The following MOBP variants were observed in gnomAD, a reference collection of about 807,000 sequenced individuals.
MOBP encodes myelin-associated oligodendrocyte basic protein.
In MOBP, 5 loss-of-function variants were observed where a neutral mutation model predicts 15.0. The observed-to-expected ratio is 0.33, with a 90% CI of 0.17 to 0.70. The LOEUF (loss-of-function observed/expected upper bound fraction) is 0.70, where lower values mean the gene tolerates loss of function less well. Among genes scored for constraint, MOBP ranks in the 30% least tolerant of loss-of-function variants. The probability of loss-of-function intolerance (pLI) is 0.67; values close to 1 mark genes in which losing one functional copy is unlikely to be tolerated. For missense variants in MOBP, 188 were observed against 257.8 expected (o/e 0.73, Z 1.85); for synonymous variants, 88 against 99.0 (o/e 0.89, Z 0.66).
intron 2 of MOBP, among the ~76,000 whole-genome samples, chr3:39,495,110 C>T (rs1019565635): frequency 6.6e-6 from 1 of 152,188 alleles, no homozygotes; most frequent in African/African-American, 2.4e-5. Flanking sequence ...TTTTTATCCT[C>T]ACTAGACAAT....
rs372337198 is a variant in MOBP at position 39,502,122 on chromosome 3, A to G, written c.53A>G (p.Tyr18Cys). 1 of 1,613,990 alleles carries G rather than the reference A, an allele frequency of 6.2e-7. No individual in the cohort carries two copies. Among genetic ancestry groups the G allele is most frequent in the Non-Finnish European group, 8.5e-7 (1 of 1,180,030 alleles). ...CCCAGACTCTCCAAAAACCAGAAGT[A>G]CTCCGAACACTTCAGCATACACTGC... is the stretch of plus-strand genomic sequence containing the variant. Reference protein sequence around the residue: ...EGPRLSKNQKYSEHFSIHCCP... With the variant: ...EGPRLSKNQKCSEHFSIHCCP... Residue 18 changes from tyrosine to cysteine, a missense_variant, in exon 3 of 4, where the codon TAC (tyrosine) becomes TGC (cysteine). Tyr to Cys is a radical substitution (Grantham distance 194). This residue lies in a region of MOBP where 133 missense variants were observed against 212.5 expected (regional missense o/e 0.63). Coordinates refer to ENST00000684792, the MANE Select transcript of MOBP (RefSeq NM_001393704.1). The surrounding 1 kb of genome is among the most constrained non-coding windows in gnomAD (Gnocchi z 6.3).
At chr3:39,520,594 G>C (rs1018400485), downstream of MOBP, among the ~76,000 whole-genome samples, 11 of 147,606 alleles carry the variant, frequency 7.5e-5, no homozygotes, top group African/African-American at 2.8e-4. Flanking sequence ...GAGAGAGAGA[G>C]ACAGAGAGAG....
At chr3:39,489,687 C>CCCCA (rs1408546928) in intron 2 of MOBP, among the ~76,000 whole-genome samples, 3 of 85,350 alleles carry the variant, frequency 3.5e-5, no homozygotes, top group Non-Finnish European at 6.5e-5. Context: ...GTGTATTGTT[C>CCCCA]CCCGCCCAGC....
chr3:39,468,729 TAC>T lies in MOBP; in HGVS notation c.-89+991_-89+992del, dbSNP rs1179914879. On this transcript the variant is annotated intron_variant, in intron 1 of 3. Transcript: ENST00000684792. Reference sequence around the variant, plus strand: ...ACATATGTGTGTGTATATACATATATACATATGTGTGTGTATATATACATATA... The same window carrying T: ...ACATATGTGTGTGTATATACATATATATATGTGTGTGTATATATACATATA... Among the ~76,000 whole-genome samples the T allele has an allele frequency of 2.9e-5, 4 of 135,764 alleles. 1 individual carries two copies. Among genetic ancestry groups the T allele is most frequent in the South Asian group, 4.6e-4 (2 of 4,356 alleles). The allele number at this position is 135,764 out of a possible 152,430, so 89.1% of individuals were successfully genotyped here.
intron 2 of MOBP, among the ~76,000 whole-genome samples, chr3:39,491,430 G>C (rs1408867551): frequency 7.2e-5 from 11 of 152,210 alleles, no homozygotes. Flanking sequence ...ACTTGGAAGA[G>C]TGCCTGACTT....
chr3:39,524,528 G>A (rs2043304358), exon 5 of MOBP: 2 of 151,914 alleles, frequency 1.3e-5, no homozygotes, highest in Non-Finnish European at 2.9e-5. Flanking sequence ...CCATCAAAGT[G>A]GCAAAAATAA....
At chr3:39,512,114 C>T (rs971214820) in intron 4 of MOBP, among the ~76,000 whole-genome samples, 20 of 152,214 alleles carry the variant, frequency 1.3e-4, no homozygotes, top group African/African-American at 4.3e-4. Context: ...ACTCAATTGC[C>T]TTCCCTGGTT....
At chr3:39,484,318 G>C (rs1359674791) in intron 2 of MOBP, among the ~76,000 whole-genome samples, 1 of 152,228 alleles carries the variant, frequency 6.6e-6, no homozygotes, top group Non-Finnish European at 1.5e-5. Context: ...GAAGGACAGA[G>C]ACCAAACCCT....
chr3:39,520,600 GAGAGAGAGA>G (rs2043255225), downstream of MOBP, among the ~76,000 whole-genome samples: 1 of 151,930 alleles, frequency 6.6e-6, no homozygotes, highest in African/African-American at 2.4e-5. Context: ...GAGAGACAGA[GAGAGAGAGA>G]AGAGAGAGAC....
intron 1 of MOBP, among the ~76,000 whole-genome samples, chr3:39,475,530 C>A (rs1288591664): frequency 1.3e-5 from 2 of 152,112 alleles, no homozygotes; most frequent in Non-Finnish European, 2.9e-5. Context: ...TCTCTCATTA[C>A]TTCTACATTC....
chr3:39,480,204 T>C (rs1233586371), intron 2 of MOBP, 81 bp downstream of exon 2: 2 of 152,154 alleles, frequency 1.3e-5, no homozygotes, highest in Admixed American at 6.5e-5. Context: ...AATGTCACAA[T>C]AGAATGCAGA....
intron 4 of MOBP, among the ~76,000 whole-genome samples, chr3:39,510,884 T>A (rs2043111147): frequency 6.6e-6 from 1 of 152,268 alleles, no homozygotes; most frequent in Non-Finnish European, 1.5e-5. Context: ...GCTCTCTGGC[T>A]TATTACAAGG....
chr3:39,516,487 C>T (rs891802013), downstream of MOBP, among the ~76,000 whole-genome samples: 5 of 152,058 alleles, frequency 3.3e-5, no homozygotes, highest in Non-Finnish European at 7.4e-5. Flanking sequence ...GACCTTGAGG[C>T]ATTTTCTGCC....
chr3:39,468,638 TTCTC>T (rs996138713), intron 1 of MOBP, among the ~76,000 whole-genome samples: 57 of 151,938 alleles, frequency 3.8e-4, no homozygotes, highest in Admixed American at 1.2e-3. Context: ...ATCATTCTCT[TTCTC>T]TCTCTCTGTA....
chr3:39,511,618 T>C (rs2043120445), intron 4 of MOBP, among the ~76,000 whole-genome samples: 1 of 152,220 alleles, frequency 6.6e-6, no homozygotes, highest in Non-Finnish European at 1.5e-5. Context: ...TCGCCCTTTC[T>C]GTGAGCTCCC....
At chr3:39,472,572 C>T (rs1426163460) in intron 1 of MOBP, among the ~76,000 whole-genome samples, 1 of 152,168 alleles carries the variant, frequency 6.6e-6, no homozygotes, top group East Asian at 1.9e-4. Context: ...AAGGATATTC[C>T]CATGATGGAC....
chr3:39,484,567 C>A (rs988329995), intron 2 of MOBP, among the ~76,000 whole-genome samples: 1 of 152,174 alleles, frequency 6.6e-6, no homozygotes, highest in African/African-American at 2.4e-5. Flanking sequence ...TATTCATCCA[C>A]ATACAATTCC....
chr3:39,525,534 CTGG>C (rs2043314233), downstream of MOBP: 1 of 152,380 alleles, frequency 6.6e-6, no homozygotes, highest in Admixed American at 6.5e-5. Flanking sequence ...GTGCTAGGAG[CTGG>C]TGTGGCCAAG....
At chr3:39,480,774 T>C (rs542943837) in intron 2 of MOBP, among the ~76,000 whole-genome samples, 1 of 152,350 alleles carries the variant, frequency 6.6e-6, no homozygotes, top group African/African-American at 2.4e-5. Context: ...TACTATTTAC[T>C]TGAATGAAGT....
Sources: allele counts gnomAD v4.1 joint callset (sites outside exome capture counted in the v4.1 genomes callset), GRCh38; gene constraint gnomAD v4.1.1; regional missense constraint gnomAD v4.1.1; non-coding constraint Gnocchi (gnomAD v3.1); transcripts MANE v1.5; gene names NCBI Gene and HGNC (gene_info 2026-07-23, HGNC 2026-07-21).